The following PCNT variants were observed in gnomAD, a reference collection of about 807,000 sequenced individuals.
The protein encoded by PCNT is pericentrin, also known as kendrin.
A neutral mutation model predicts 380.4 loss-of-function variants in PCNT; 319 were observed. The observed-to-expected ratio is 0.84, with a 90% confidence interval of 0.77 to 0.92. PCNT has a LOEUF of 0.92. PCNT is among the 40% of genes least tolerant of loss of function. The pLI, the probability that PCNT is intolerant of heterozygous loss-of-function variation, is 0.00. For synonymous variants in PCNT, 1,845 were observed against 1,735.2 expected (o/e 1.06, Z -1.57); for missense variants, 4,400 against 4,255.3 (o/e 1.03, Z -0.95).
In PCNT at chr21:46,325,043, C is replaced by G. The variant is rs1296817999; in HGVS notation, c.54+761C>G. The stretch of plus-strand genomic sequence containing the variant: ...GCCGGGCGCCTTCAAGGGACGCGCT[C>G]CCGTCTTTCTCCCGCCCCGGGTTTC... On this transcript the variant is annotated intron_variant, in intron 1 of 46. Coordinates refer to ENST00000359568, the MANE Select transcript of PCNT (RefSeq NM_006031.6). The G allele has an allele frequency of 4.1e-6, 4 of 985,418 alleles. No individual in the cohort carries two copies. In the East Asian group the frequency reaches 3.4e-4, roughly 84 times the overall value. The allele number at this position is 985,418 out of a possible 1,614,324, so 61.0% of individuals were successfully genotyped here.
At chr21:46,336,075 C>G (rs2083726476) in intron 3 of PCNT, among the ~76,000 whole-genome samples, 1 of 152,158 alleles carries the variant, frequency 6.6e-6, no homozygotes, top group Non-Finnish European at 1.5e-5. Flanking sequence ...CTCCCAGGTT[C>G]AAGTGGTTCT....
At chr21:46,325,390 G>C (rs952864866) in intron 1 of PCNT, among the ~76,000 whole-genome samples, 11 of 152,182 alleles carry the variant, frequency 7.2e-5, no homozygotes, top group African/African-American at 2.7e-4. Flanking sequence ...CAGGAGGGTG[G>C]AGGGGGGAGG....
At chr21:46,343,713 T>C (rs1170457163) in intron 3 of PCNT, among the ~76,000 whole-genome samples, 1 of 152,244 alleles carries the variant, frequency 6.6e-6, no homozygotes, top group Non-Finnish European at 1.5e-5. Context: ...CTTCTTTGAA[T>C]GTCTGATAGA....
intron 9 of PCNT, among the ~76,000 whole-genome samples, chr21:46,352,601 G>A (rs1234998661): frequency 6.6e-6 from 1 of 152,184 alleles, no homozygotes; most frequent in African/African-American, 2.4e-5. Flanking sequence ...TTCTTTTAGG[G>A]TCCGTGTTGC....
intron 3 of PCNT, among the ~76,000 whole-genome samples, chr21:46,341,830 C>T (rs2083917788): frequency 6.6e-6 from 1 of 152,010 alleles, no homozygotes; most frequent in Admixed American, 6.6e-5. Flanking sequence ...AGGCATGCAC[C>T]ACCATGCCTG....
At chr21:46,410,916 A>T (rs1438572203) in intron 27 of PCNT, among the ~76,000 whole-genome samples, 1 of 152,268 alleles carries the variant, frequency 6.6e-6, no homozygotes, top group Non-Finnish European at 1.5e-5. Context: ...TGGTGAAAGC[A>T]TCATTCTGTA....
At chr21:46,371,865 GTGCACACACACAGCACA>G (rs2085141493) in intron 15 of PCNT, among the ~76,000 whole-genome samples, 2 of 145,088 alleles carry the variant, frequency 1.4e-5, no homozygotes, top group African/African-American at 2.6e-5. Flanking sequence ...CACAGCATGT[GTGCACACACACAGCACA>G]TGCACACACA....
At chr21:46,347,350 G>T (rs2084106525) in intron 5 of PCNT, 107 bp from the exon 6 acceptor site, 1 of 1,070,908 alleles carries the variant, frequency 9.3e-7, no homozygotes, top group Non-Finnish European at 1.5e-6. Flanking sequence ...GCCCGTGAAT[G>T]CTGGCACGTG....
chr21:46,344,578 T>G (rs964234689), intron 3 of PCNT, among the ~76,000 whole-genome samples: 3 of 152,106 alleles, frequency 2.0e-5, no homozygotes, highest in African/African-American at 7.2e-5. Flanking sequence ...GCAGAAAAAT[T>G]TAGTTTGGGT....
rs1024297178 is a variant in PCNT, at chr21:46,401,637, C to T, written c.4878C>T (p.Pro1626=). 5.6e-6 allele frequency: 9 copies of T among 1,613,826 alleles called. No homozygotes were observed. Among genetic ancestry groups the T allele is most frequent in the Admixed American group, 1.7e-5 (1 of 59,994 alleles). ...CTACACTAGATGCAGGCAGATGTCCCGAGCCTCCTTCGGGCAGCCCTCCTG... is the reference window on the plus strand; with the variant it reads ...CTACACTAGATGCAGGCAGATGTCCTGAGCCTCCTTCGGGCAGCCCTCCTG... ...LQSTLDAGRC[P]EPPSGSPPEG... Residue 1626 remains proline (P), a synonymous_variant, in exon 26 of 47, where the codon CCC becomes CCT. Coordinates refer to ENST00000359568, the MANE Select transcript of PCNT (RefSeq NM_006031.6).
At chr21:46,352,981 G>A (rs553275493) in intron 9 of PCNT, 123 bp from the exon 10 acceptor site, 36 of 774,336 alleles carry the variant, frequency 4.6e-5, no homozygotes, top group African/African-American at 2.0e-4. Flanking sequence ...ATCCCTCTCC[G>A]GTTCTGGGAT....
Position 46,326,526 on chromosome 21 carries a change from C to T in PCNT, c.204C>T (p.Asp68=), listed in dbSNP as rs148080319. The T allele has an allele frequency of 4.3e-6, 7 of 1,614,154 alleles. No homozygotes were observed. Among genetic ancestry groups the T allele is most frequent in the Non-Finnish European group, 5.9e-6 (7 of 1,180,024 alleles). ...ACAGCGCACTCTGTGGAGGAGGGGA[C>T]ATTTGCAAAAGCACATCATGTGACG... The part of the protein sequence containing the change: ...KEDSALCGGG[D]ICKSTSCDDT... Residue 68 remains aspartate, a synonymous_variant, in exon 2 of 47, where the codon GAC becomes GAT. Coordinates refer to ENST00000359568, the MANE Select transcript of PCNT (RefSeq NM_006031.6).
At chr21:46,385,429 C>T (rs1487611425) in intron 16 of PCNT, among the ~76,000 whole-genome samples, 1 of 152,220 alleles carries the variant, frequency 6.6e-6, no homozygotes, top group African/African-American at 2.4e-5. Flanking sequence ...TTTCGAATTG[C>T]TGTTTGAGTG....
In PCNT at chr21:46,440,107, C is replaced by T; in HGVS notation, c.9298C>T (p.Pro3100Ser). The T allele has an allele frequency of 1.9e-6, 3 of 1,614,126 alleles. No individual in the cohort carries two copies. In the South Asian group the frequency reaches 3.3e-5, roughly 18 times the overall value. The stretch of plus-strand genomic sequence containing the variant: ...GAGGTCGGAAAGGTCTGCTTGGAAG[C>T]CAGACGAAACGGCTCCACAGAGTTC... ...PSRSERSAWK[P>S]DETAPQSSLR... is the part of the protein sequence containing the mutation. The change falls in exon 42 of 47, where the codon CCA (proline) becomes TCA (serine). Residue 3100 changes from proline (P) to serine (S), a missense_variant. By Grantham distance (74) the Pro-to-Ser change is moderately conservative (BLOSUM62 -1). Transcript: ENST00000359568.
chr21:46,380,944 C>T (rs1258564131), intron 15 of PCNT, among the ~76,000 whole-genome samples: 3 of 152,064 alleles, frequency 2.0e-5, no homozygotes, highest in Non-Finnish European at 2.9e-5. Context: ...GTGGGTGGAT[C>T]ACTTGAGGTC....
intron 31 of PCNT, among the ~76,000 whole-genome samples, chr21:46,418,702 A>C (rs997070898): frequency 2.0e-4 from 31 of 152,236 alleles, no homozygotes; most frequent in African/African-American, 6.5e-4. Flanking sequence ...CCATGTTTCC[A>C]GGCTCTGCTG....
chr21:46,395,276 T>C (rs551399702), intron 21 of PCNT, among the ~76,000 whole-genome samples: 6 of 152,244 alleles, frequency 3.9e-5, no homozygotes, highest in Non-Finnish European at 8.8e-5. Context: ...ATGAATTTAA[T>C]ATTTTAGTTT....
In PCNT at chr21:46,431,909, C is replaced by T. The variant is rs1353530506; in HGVS notation, c.8445C>T (p.Ala2815=). ...TGCTTGAAAAGGTGCAGCAGCAAGC[C>T]CTGCATTCTCAGCAGCAGCTTGAGG... The part of the protein sequence containing the change: ...QAMLEKVQQQ[A]LHSQQQLEAE... Residue 2815 remains alanine, a synonymous_variant, in exon 38 of 47, where the codon GCC becomes GCT. Coordinates refer to ENST00000359568, the MANE Select transcript of PCNT (RefSeq NM_006031.6). The T allele has an allele frequency of 2.5e-6, 4 of 1,613,944 alleles. No homozygotes were observed. Among genetic ancestry groups the T allele is most frequent in the Middle Eastern group, 1.6e-4 (1 of 6,084 alleles).
chr21:46,383,866 G>A (rs193105001), intron 16 of PCNT, among the ~76,000 whole-genome samples: 10 of 139,646 alleles, frequency 7.2e-5, no homozygotes, highest in South Asian at 2.5e-4. Flanking sequence ...ATTCAGTGAC[G>A]GAAGCGCATT....
Sources: gnomAD v4.1 joint callset for allele counts (sites outside exome capture counted in the v4.1 genomes callset) on GRCh38, gnomAD v4.1.1 for gene constraint, MANE v1.5 for transcripts, NCBI Gene and HGNC (gene_info 2026-07-23, HGNC 2026-07-21) for gene names.